The following CACNB4 variants were observed in gnomAD, a reference collection of about 807,000 sequenced individuals.
The protein encoded by CACNB4 is voltage-dependent L-type calcium channel subunit beta-4.
In CACNB4, 32 loss-of-function variants were observed where a neutral mutation model predicts 71.2. The ratio of observed to expected loss-of-function variants is 0.45; its 90% CI spans 0.34 to 0.60. The LOEUF is 0.60. Ranked by LOEUF, CACNB4 falls within the 20% of genes least tolerant of loss-of-function variation. CACNB4 has a pLI of 0.01. For missense variants in CACNB4, 464 were observed against 647.9 expected (o/e 0.72, Z 3.08); for synonymous variants, 231 against 236.9 (o/e 0.97, Z 0.23).
At chr2:151,914,309 T>G (rs561011478) in intron 2 of CACNB4, among the ~76,000 whole-genome samples, 1 of 152,338 alleles carries the variant, frequency 6.6e-6, no homozygotes, top group Non-Finnish European at 1.5e-5. Flanking sequence ...TGCTGTGTTT[T>G]TCAGCTCCAT....
At position 151,962,184 on chromosome 2, in the gene CACNB4, C is replaced by G. The variant is rs997198952; in HGVS notation, c.148-78814G>C. Among the ~76,000 whole-genome samples, 4 of 152,298 alleles carry G rather than the reference C, an allele frequency of 2.6e-5. No individual in the cohort carries two copies. In the East Asian group the frequency reaches 5.8e-4, roughly 22 times the overall value. On this transcript the variant is annotated intron_variant, in intron 2 of 13. Coordinates refer to ENST00000539935, the MANE Select transcript of CACNB4 (RefSeq NM_000726.5). Reference sequence around the variant, plus strand: ...GGGATGCTTCAAAGCTGGCTGTATCCATCCACAGGGAAAGCTGCATCCTTC... The same window carrying G: ...GGGATGCTTCAAAGCTGGCTGTATCGATCCACAGGGAAAGCTGCATCCTTC...
At chr2:152,089,163 T>C (rs917276625) in intron 2 of CACNB4, among the ~76,000 whole-genome samples, 18 of 152,204 alleles carry the variant, frequency 1.2e-4, no homozygotes, top group African/African-American at 4.3e-4. Flanking sequence ...TCTTATAGAA[T>C]GAAGAGCACT....
At chr2:151,919,808 A>G (rs2151565885) in intron 2 of CACNB4, among the ~76,000 whole-genome samples, 1 of 152,300 alleles carries the variant, frequency 6.6e-6, no homozygotes, top group Non-Finnish European at 1.5e-5. Context: ...ATCCACCTTA[A>G]AAGAGGTATG....
At chr2:151,924,226 C>T (rs914875907) in intron 2 of CACNB4, among the ~76,000 whole-genome samples, 4 of 151,238 alleles carry the variant, frequency 2.6e-5, no homozygotes, top group Non-Finnish European at 4.4e-5. Flanking sequence ...CTACAGGCGC[C>T]CACTACCACT....
In CACNB4 at chr2:152,026,999, T is replaced by C. The variant is rs145754630; in HGVS notation, c.147+71331A>G. ...TCAGCTCACTGCAACCTCCACCTCC[T>C]GGGTTCAAGCGATTCTTCTACCCCA... On this transcript the variant is annotated intron_variant, in intron 2 of 13. Transcript: ENST00000539935. Among the ~76,000 whole-genome samples, 28 of 151,960 alleles carry C rather than the reference T, an allele frequency of 1.8e-4. No homozygotes were observed. In the South Asian group the frequency reaches 2.7e-3, roughly 15 times the overall value.
At chr2:151,880,039 G>A (rs2099847434) in intron 4 of CACNB4, 2 of 152,128 alleles carry the variant, frequency 1.3e-5, no homozygotes, top group African/African-American at 4.8e-5. Flanking sequence ...ACATGTTTCA[G>A]GTCAAGAGTT....
chr2:151,923,070 G>T (rs1365850029), intron 2 of CACNB4, among the ~76,000 whole-genome samples: 1 of 152,192 alleles, frequency 6.6e-6, no homozygotes, highest in Non-Finnish European at 1.5e-5. Flanking sequence ...TGTCTGAATG[G>T]GTGTGAGGCA....
intron 2 of CACNB4, among the ~76,000 whole-genome samples, chr2:152,036,814 ATG>A (rs1286829597): frequency 6.6e-6 from 1 of 152,142 alleles, no homozygotes; most frequent in East Asian, 1.9e-4. Flanking sequence ...GCTGGAGGAC[ATG>A]TCAGTCTTGG....
chr2:151,981,531 T>C (rs1377372841), intron 2 of CACNB4, among the ~76,000 whole-genome samples: 3 of 152,154 alleles, frequency 2.0e-5, no homozygotes, highest in Non-Finnish European at 2.9e-5. Context: ...GGGTGGAATC[T>C]ATGGGAAGAG....
intron 2 of CACNB4, among the ~76,000 whole-genome samples, chr2:152,031,139 G>C (rs963460705): frequency 3.9e-5 from 6 of 152,164 alleles, no homozygotes; most frequent in Non-Finnish European, 7.3e-5. Context: ...GGAACCAAGA[G>C]AAGAATGACC....
At chr2:151,973,635 G>T in intron 2 of CACNB4, 3 of 1,595,856 alleles carry the variant, frequency 1.9e-6, no homozygotes, top group Non-Finnish European at 2.6e-6. Context: ...GAAGAGGAGG[G>T]GAGAGGGAAT....
chr2:151,978,017 C>G (rs905224599), intron 2 of CACNB4, among the ~76,000 whole-genome samples: 3 of 152,230 alleles, frequency 2.0e-5, no homozygotes, highest in Admixed American at 6.5e-5. Flanking sequence ...CTCTAGAAAT[C>G]TGTGTGGCAT....
At chr2:151,995,735 C>T (rs1579093304) in intron 2 of CACNB4, among the ~76,000 whole-genome samples, 2 of 152,238 alleles carry the variant, frequency 1.3e-5, no homozygotes, top group Admixed American at 6.5e-5. Context: ...AAAATAAAGT[C>T]TGTCATTTAG....
At position 151,875,582 on chromosome 2, in the gene CACNB4, G is replaced by A. The variant is rs1175565278; in HGVS notation, c.521+844C>T. Among the ~76,000 whole-genome samples the A allele has an allele frequency of 2.6e-3, 368 of 139,114 alleles. 2 individuals carry two copies. Among genetic ancestry groups the A allele is most frequent in the East Asian group, 0.025 (104 of 4,094 alleles). 91.3% of individuals were successfully genotyped at this position (139,114 alleles called of 152,430 possible). ...CCAGTAGGGGCGGCCGGGCAGAGGC[G>A]CCCCTCACCTCCCGGACGGGGCGGC... On this transcript the variant is annotated intron_variant, in intron 5 of 13. Transcript: ENST00000539935.
intron 2 of CACNB4, among the ~76,000 whole-genome samples, chr2:151,930,357 TA>T (rs570690477): frequency 7.2e-5 from 11 of 152,098 alleles, no homozygotes; most frequent in African/African-American, 2.7e-4. Flanking sequence ...ACTTAAAGGG[TA>T]AAAAAATTAA....
At chr2:151,945,923 A>G (rs1253853213) in intron 2 of CACNB4, among the ~76,000 whole-genome samples, 2 of 151,464 alleles carry the variant, frequency 1.3e-5, no homozygotes, top group South Asian at 4.2e-4. Context: ...GCGTGTGTGT[A>G]TATACAAAGA....
intron 2 of CACNB4, chr2:151,973,089 G>C (rs2099873058): frequency 6.6e-6 from 1 of 152,274 alleles, no homozygotes; most frequent in African/African-American, 2.4e-5. Context: ...ACGTGAGTCT[G>C]CTTCGCTCTT....
intron 2 of CACNB4, among the ~76,000 whole-genome samples, chr2:151,893,843 C>T (rs943770842): frequency 6.6e-6 from 1 of 152,114 alleles, no homozygotes; most frequent in Non-Finnish European, 1.5e-5. Flanking sequence ...GGTTTAATAT[C>T]CTTCATATCC....
intron 2 of CACNB4, among the ~76,000 whole-genome samples, chr2:151,915,504 C>T (rs970440292): frequency 7.9e-5 from 12 of 152,178 alleles, no homozygotes; most frequent in African/African-American, 1.9e-4. Context: ...CCCTCCCCTG[C>T]GGGGGTTCTG....
Sources: gnomAD v4.1 joint callset for allele counts (sites outside exome capture counted in the v4.1 genomes callset) on GRCh38, gnomAD v4.1.1 for gene constraint, MANE v1.5 for transcripts, NCBI Gene and HGNC (gene_info 2026-07-23, HGNC 2026-07-21) for gene names.